STXBP5: variants seen among roughly 807,000 people sequenced by gnomAD.
STXBP5 encodes syntaxin binding protein 5, also known as syntaxin-binding protein 5.
A neutral mutation model predicts 152.4 loss-of-function variants in STXBP5; 50 were observed. The observed-to-expected ratio is 0.33, with a 90% confidence interval of 0.26 to 0.42. STXBP5 has a LOEUF of 0.42. STXBP5 is among the 10% of genes least tolerant of loss of function. The pLI is 1.00. For missense variants in STXBP5, 1,167 were observed against 1,388.6 expected (o/e 0.84, Z 2.54); for synonymous variants, 492 against 494.7 (o/e 0.99, Z 0.07).
In STXBP5 at chr6:147,204,595, G is replaced by C; in HGVS notation, c.63G>C (p.Ser21=). ...TGACCGCCGGCTCGTCCTCGGCGTC[G>C]CAGCAGCAACAGCAGCAGCATCCGC... The part of the protein sequence containing the change: ...DGLTAGSSSA[S]QQQQQQHPPG... Residue 21 remains serine (S), a synonymous_variant, in exon 1 of 28, where the codon TCG becomes TCC. Transcript: ENST00000321680. This position sits in a 1 kb window ranked among gnomAD's most constrained non-coding sequence, Gnocchi z 4.3. 6.2e-7 allele frequency: 1 copy of C among 1,609,784 alleles called. No homozygotes were observed. The highest frequency in any genetic ancestry group is 8.5e-7 in the Non-Finnish European group (1 of 1,178,240).
Position 147,291,106 on chromosome 6 carries a change from A to T in STXBP5, c.851A>T (p.Lys284Met). ...AAATATATTTTAGGAAAACAGTTAAAGGATGGGAAGAAGCCAGAACCATGC... is the reference window on the plus strand; with the variant it reads ...AAATATATTTTAGGAAAACAGTTAATGGATGGGAAGAAGCCAGAACCATGC... ...QTITPHGKQL[K>M]DGKKPEPCKP... is the part of the protein sequence containing the mutation. Residue 284 changes from lysine (K) to methionine (M), a missense_variant, in exon 9 of 28, where the codon AAG (lysine) becomes ATG (methionine). Coordinates refer to ENST00000321680, the MANE Select transcript of STXBP5 (RefSeq NM_001127715.4). 6.2e-7 allele frequency: 1 copy of T among 1,608,594 alleles called. No individual in the cohort carries two copies. The highest frequency in any genetic ancestry group is 8.5e-7 in the Non-Finnish European group (1 of 1,177,152).
chr6:147,238,673 A>G (rs954015014), intron 3 of STXBP5, among the ~76,000 whole-genome samples: 8 of 152,306 alleles, frequency 5.3e-5, no homozygotes, highest in Middle Eastern at 3.4e-3. Flanking sequence ...ACCTTCAGAC[A>G]TGGAGGTTAC....
At chr6:147,211,714 G>C (rs948489320) in intron 2 of STXBP5, among the ~76,000 whole-genome samples, 1 of 152,132 alleles carries the variant, frequency 6.6e-6, no homozygotes, top group African/African-American at 2.4e-5. Context: ...GGCCTACCAA[G>C]TATTTGCGAC....
rs972626645 is a variant in STXBP5, at chr6:147,387,007, A to C, written c.*2252A>C. On this transcript the variant is annotated 3_prime_UTR_variant, in exon 28 of 28. Coordinates refer to ENST00000321680, the MANE Select transcript of STXBP5 (RefSeq NM_001127715.4). ...TCAAATATAGAAGTATATACATTAG[A>C]TGGATTTCCAAGATTTTGTAAGAAA... 1 of 151,796 alleles carries C rather than the reference A, an allele frequency of 6.6e-6. No individual in the cohort carries two copies. Among genetic ancestry groups the C allele is most frequent in the Non-Finnish European group, 1.5e-5 (1 of 67,736 alleles). 9.4% of individuals were successfully genotyped at this position (151,796 alleles called of 1,614,324 possible).
At chr6:147,267,030 A>G (rs1562449889) in intron 6 of STXBP5, 54 bp from the exon 7 acceptor site, 2 of 1,405,650 alleles carry the variant, frequency 1.4e-6, no homozygotes, top group Non-Finnish European at 2.0e-6. Flanking sequence ...CAGCAAATAA[A>G]TGTTTTATAA....
At chr6:147,281,923 A>G (rs1330620829) in intron 8 of STXBP5, among the ~76,000 whole-genome samples, 1 of 152,212 alleles carries the variant, frequency 6.6e-6, no homozygotes, top group East Asian at 1.9e-4. Flanking sequence ...GAGCCTTAAT[A>G]TTCTCATCCA....
chr6:147,378,709 A>G (rs1421330147), intron 26 of STXBP5, among the ~76,000 whole-genome samples: 1 of 152,132 alleles, frequency 6.6e-6, no homozygotes, highest in Admixed American at 6.6e-5. Context: ...CTATAGCTAA[A>G]TTGTTAGAAA....
At chr6:147,205,021 A>G (rs956806003) in intron 1 of STXBP5, among the ~76,000 whole-genome samples, 2 of 152,204 alleles carry the variant, frequency 1.3e-5, no homozygotes, top group Non-Finnish European at 2.9e-5. Flanking sequence ...AATATGATTC[A>G]CCAACTTCGA....
intron 2 of STXBP5, among the ~76,000 whole-genome samples, chr6:147,216,379 G>A (rs1015984989): frequency 3.9e-5 from 6 of 152,108 alleles, no homozygotes; most frequent in African/African-American, 1.4e-4. Context: ...GCGATAGAGT[G>A]AGACTCCATG....
intron 11 of STXBP5, 51 bp downstream of exon 11, chr6:147,311,578 G>C (rs1208546887): frequency 7.1e-7 from 1 of 1,409,966 alleles, no homozygotes; most frequent in Non-Finnish European, 9.9e-7. Flanking sequence ...GTTGAAAAAA[G>C]ATGCCTTTTA....
intron 4 of STXBP5, among the ~76,000 whole-genome samples, chr6:147,255,501 TTTGTTGTTG>T (rs138694030): frequency 9.9e-5 from 15 of 151,040 alleles, no homozygotes; most frequent in African/African-American, 1.5e-4. Flanking sequence ...TTTGTTCCTT[TTTGTTGTTG>T]TTGTTGTTGT....
rs779361777 is a variant in STXBP5 at position 147,278,073 on chromosome 6, T to C, written c.715-8T>C. 3 of 1,603,636 alleles carry C rather than the reference T, an allele frequency of 1.9e-6. No individual in the cohort carries two copies. The highest frequency in any genetic ancestry group is 2.2e-5 in the South Asian group (2 of 89,448). ...ATTTTTTAAATGGTATTTTTCATCC[T>C]TCTATAGGCTATCCACTCTGTTGCT... is the stretch of plus-strand genomic sequence containing the variant. On this transcript the variant is annotated splice_polypyrimidine_tract_variant and splice_region_variant and intron_variant, in intron 7 of 27. Coordinates refer to ENST00000321680, the MANE Select transcript of STXBP5 (RefSeq NM_001127715.4).
Position 147,363,617 on chromosome 6 carries a change from C to T in STXBP5, c.2828C>T (p.Ser943Leu), listed in dbSNP as rs752927971. 4 of 1,614,130 alleles carry T rather than the reference C, an allele frequency of 2.5e-6. No individual in the cohort carries two copies. Among genetic ancestry groups the T allele is most frequent in the Non-Finnish European group, 2.5e-6 (3 of 1,180,030 alleles). Residue 943 changes from serine to leucine, a missense_variant, in exon 24 of 28, where the codon TCG becomes TTG. Coordinates refer to ENST00000321680, the MANE Select transcript of STXBP5 (RefSeq NM_001127715.4). ...CAYKQNITETSFVLRGDIVAL... is the reference protein window; with the variant it reads ...CAYKQNITETLFVLRGDIVAL... ...TATAAGCAAAATATTACAGAGACCT[C>T]GTTTGTGCTTCGTGGAGATATTGTA...
At chr6:147,244,170 G>A (rs1319614392) in intron 4 of STXBP5, among the ~76,000 whole-genome samples, 1 of 152,216 alleles carries the variant, frequency 6.6e-6, no homozygotes, top group Non-Finnish European at 1.5e-5. Flanking sequence ...TGCATAGGAT[G>A]TGCATAGGCT....
intron 27 of STXBP5, among the ~76,000 whole-genome samples, chr6:147,384,431 C>T (rs1037419724): frequency 1.3e-5 from 2 of 152,066 alleles, no homozygotes; most frequent in African/African-American, 4.8e-5. Flanking sequence ...ATTCATAGTA[C>T]AAAATAAAAA....
chr6:147,286,920 A>G (rs1431545758), intron 8 of STXBP5, among the ~76,000 whole-genome samples: 2 of 151,936 alleles, frequency 1.3e-5, no homozygotes, highest in Admixed American at 1.3e-4. Context: ...AATCATGTGT[A>G]TTAACACATA....
In STXBP5 at chr6:147,214,303, G is replaced by C. The variant is rs558667418; in HGVS notation, c.248+8235G>C. 5.3e-5 allele frequency among the ~76,000 whole-genome samples: 8 copies of C among 152,126 alleles called. No homozygotes were observed. In the East Asian group the frequency reaches 9.7e-4, roughly 18 times the overall value. ...ACTTTCAGATTTAGCAATTCTAGTT[G>C]GTTGGTTTAATCTCTTATTTTCCTC... On this transcript the variant is annotated intron_variant, in intron 2 of 27. Coordinates refer to ENST00000321680, the MANE Select transcript of STXBP5 (RefSeq NM_001127715.4).
intron 3 of STXBP5, among the ~76,000 whole-genome samples, chr6:147,238,481 A>G (rs879492957): frequency 2.6e-5 from 4 of 152,174 alleles, no homozygotes; most frequent in Non-Finnish European, 5.9e-5. Context: ...TTTCAACATG[A>G]TGCGTTTTGG....
intron 4 of STXBP5, among the ~76,000 whole-genome samples, chr6:147,242,362 G>T (rs528378006): frequency 6.6e-6 from 1 of 151,902 alleles, no homozygotes; most frequent in Non-Finnish European, 1.5e-5. Flanking sequence ...GTAAGCTAAG[G>T]TTAATTTATT....
Sources: gnomAD v4.1 joint callset for allele counts (sites outside exome capture counted in the v4.1 genomes callset) on GRCh38, gnomAD v4.1.1 for gene constraint, Gnocchi (gnomAD v3.1) non-coding constraint, MANE v1.5 for transcripts, NCBI Gene and HGNC (gene_info 2026-07-23, HGNC 2026-07-21) for gene names.